The following OASL variants were observed in gnomAD, a reference collection of about 807,000 sequenced individuals.
OASL encodes the protein 2'-5'-oligoadenylate synthase-like protein.
A neutral mutation model predicts 35.3 loss-of-function variants in OASL; 28 were observed. That is an observed-to-expected ratio of 0.79 (90% confidence interval 0.59 to 1.09). The LOEUF is 1.09. Ranked by LOEUF, OASL falls within the 50% of genes least tolerant of loss-of-function variation. The pLI is 0.00. For synonymous variants in OASL, 252 were observed against 254.6 expected (o/e 0.99, Z 0.10); for missense variants, 620 against 635.2 (o/e 0.98, Z 0.26).
chr12:121,030,316 T>C (rs1869671563), intron 3 of OASL, among the ~76,000 whole-genome samples: 2 of 152,178 alleles, frequency 1.3e-5, no homozygotes, highest in Non-Finnish European at 2.9e-5. Context: ...ACCATTCTCC[T>C]GCCTCAGCCT....
intron 1 of OASL, among the ~76,000 whole-genome samples, chr12:121,034,030 A>G (rs1850277803): frequency 2.6e-5 from 4 of 152,152 alleles, no homozygotes; most frequent in African/African-American, 7.2e-5. Context: ...AATGAAAGCA[A>G]TGGCAGAATA....
rs772056946 is a variant in OASL at position 121,021,102 on chromosome 12, T to C, written c.1048-44A>G. ...AGGAGAGGTGTTAAGTCCACACTTCTTTGTCTGATGTGCAAATGTTCCCTT... is the reference window on the plus strand; with the variant it reads ...AGGAGAGGTGTTAAGTCCACACTTCCTTGTCTGATGTGCAAATGTTCCCTT... On this transcript the variant is annotated intron_variant, in intron 5 of 5. Coordinates refer to ENST00000257570, the Ensembl canonical transcript of OASL. 4 of 1,506,892 alleles carry C rather than the reference T, an allele frequency of 2.7e-6. No homozygotes were observed. In the South Asian group the frequency reaches 5.3e-5, roughly 20 times the overall value. 93.3% of individuals were successfully genotyped at this position (1,506,892 alleles called of 1,614,324 possible).
chr12:121,036,472 T>C (rs1277118044), intron 1 of OASL, among the ~76,000 whole-genome samples: 3 of 152,092 alleles, frequency 2.0e-5, no homozygotes, highest in Non-Finnish European at 2.9e-5. Flanking sequence ...CTTAGGTAAA[T>C]AGCATTTCCT....
chr12:121,034,028 C>T (rs1175039477), intron 1 of OASL, among the ~76,000 whole-genome samples: 1 of 152,106 alleles, frequency 6.6e-6, no homozygotes, highest in African/African-American at 2.4e-5. Context: ...AAAATGAAAG[C>T]AATGGCAGAA....
chr12:121,022,214 G>C (rs1029114409), intron 5 of OASL, among the ~76,000 whole-genome samples: 6 of 150,024 alleles, frequency 4.0e-5, no homozygotes, highest in Non-Finnish European at 1.5e-5. Flanking sequence ...AGCCTCCCTA[G>C]TAGCTGGGAC....
intron 4 of OASL, among the ~76,000 whole-genome samples, chr12:121,025,902 T>A (rs1869463846): frequency 6.6e-6 from 1 of 152,200 alleles, no homozygotes; most frequent in African/African-American, 2.4e-5. Flanking sequence ...GGCTCCAGGC[T>A]GGCTCCTCCC....
chr12:121,025,693 T>C (rs1231504234), intron 4 of OASL, among the ~76,000 whole-genome samples: 1 of 148,672 alleles, frequency 6.7e-6, no homozygotes, highest in East Asian at 2.0e-4. Context: ...ACCCAGGAGG[T>C]GGTGGTTGCA....
intron 1 of OASL, 36 bp from the exon 2 acceptor site, chr12:121,033,779 C>T: frequency 6.3e-7 from 1 of 1,597,006 alleles, no homozygotes; most frequent in South Asian, 1.1e-5. Context: ...CTGAGGCCCA[C>T]TGCCATGAGC....
At chr12:121,035,533 A>AAAACAAAACAAAACAAAACC (rs35393590) in intron 1 of OASL, among the ~76,000 whole-genome samples, 62 of 148,506 alleles carry the variant, frequency 4.2e-4, no homozygotes, top group African/African-American at 1.2e-3. Context: ...TAAACAAAAC[A>AAAACAAAACAAAACAAAACC]AAACAACAAA....
chr12:121,033,804 G>A lies in OASL; in HGVS notation c.199-61C>T, dbSNP rs542160188. On this transcript the variant is annotated intron_variant, in intron 1 of 5. Transcript: ENST00000257570. ...CTGCCATGAGCCAGGCAACCCCTGC[G>A]GCACTTCACATGCACTGTCTCACTG... 4.8e-5 allele frequency: 74 copies of A among 1,557,670 alleles called. No individual in the cohort carries two copies. In the African/African-American group the frequency reaches 6.7e-4, roughly 14 times the overall value.
intron 3 of OASL, 127 bp downstream of exon 3, chr12:121,031,315 C>T: frequency 1.2e-6 from 1 of 829,108 alleles, no homozygotes; most frequent in Non-Finnish European, 1.9e-6. Flanking sequence ...AAAAGACTAG[C>T]ATTCTCTCCC....
intron 4 of OASL, 64 bp from the exon 5 acceptor site, chr12:121,024,201 A>T: frequency 6.4e-7 from 1 of 1,553,438 alleles, no homozygotes; most frequent in Non-Finnish European, 8.7e-7. Flanking sequence ...CCAGAAAAAA[A>T]CCTTCTCGGC....
intron 1 of OASL, among the ~76,000 whole-genome samples, chr12:121,036,539 T>G (rs1248470753): frequency 7.2e-5 from 11 of 152,136 alleles, no homozygotes; most frequent in Admixed American, 7.2e-4. Flanking sequence ...ATCCCAGCAT[T>G]TGGGGAGGCC....
At chr12:121,024,238 T>C (rs1869386024) in intron 4 of OASL, 101 bp from the exon 5 acceptor site, 1 of 1,299,938 alleles carries the variant, frequency 7.7e-7, no homozygotes, top group Non-Finnish European at 1.1e-6. Flanking sequence ...CACTGAGAAT[T>C]GTGATATCCA....
At chr12:121,020,413 G>A (rs751659729) in exon 6 of OASL, 3 of 842,774 alleles carry the variant, frequency 3.6e-6, no homozygotes, top group Non-Finnish European at 5.5e-6. Flanking sequence ...GGGATTACAG[G>A]TGTGAGCTAC....
chr12:121,024,265 A>G, intron 4 of OASL, 128 bp from the exon 5 acceptor site: 1 of 985,400 alleles, frequency 1.0e-6, no homozygotes, highest in Admixed American at 2.7e-5. Flanking sequence ...GGGGATGTTC[A>G]AGAGGGCCCC....
intron 1 of OASL, among the ~76,000 whole-genome samples, chr12:121,034,099 G>T (rs539951614): frequency 5.8e-4 from 88 of 152,192 alleles, no homozygotes; most frequent in African/African-American, 1.8e-3. Context: ...GGTTTGGTGG[G>T]GTGCCTGGCA....
At chr12:121,020,304 T>C (rs1336214803) in exon 6 of OASL, 2 of 216,278 alleles carry the variant, frequency 9.2e-6, no homozygotes, top group South Asian at 5.3e-5. Flanking sequence ...CAGTGAATTA[T>C]TTTTTTATTT....
intron 3 of OASL, among the ~76,000 whole-genome samples, chr12:121,029,809 T>C (rs1014607183): frequency 1.3e-5 from 2 of 152,184 alleles, no homozygotes; most frequent in Non-Finnish European, 2.9e-5. Context: ...TTTAAACTCA[T>C]GGTAATATAA....
Sources: gnomAD v4.1 joint callset for allele counts (sites outside exome capture counted in the v4.1 genomes callset) on GRCh38, gnomAD v4.1.1 for gene constraint, MANE v1.5 for transcripts, NCBI Gene and HGNC (gene_info 2026-07-23, HGNC 2026-07-21) for gene names.